Variants in OVOL2 observed in about 807,000 individuals in gnomAD.
The protein encoded by OVOL2 is ovo like zinc finger 2, also known as transcription factor Ovo-like 2.
OVOL2 carries 13 observed loss-of-function variants against 18.1 expected under a neutral mutation model. The observed-to-expected ratio is 0.72, with a 90% CI of 0.47 to 1.14. The LOEUF (loss-of-function observed/expected upper bound fraction) is 1.14, where lower values mean the gene tolerates loss of function less well. Among genes scored for constraint, OVOL2 ranks in the 50% most tolerant of loss-of-function variants. OVOL2 has a pLI of 0.00. For synonymous variants in OVOL2, 166 were observed against 162.7 expected (o/e 1.02, Z -0.16); for missense variants, 335 against 383.0 (o/e 0.87, Z 1.05).
chr20:18,029,019 T>G (rs1298144872), intron 3 of OVOL2, among the ~76,000 whole-genome samples: 1 of 142,954 alleles, frequency 7.0e-6, no homozygotes, highest in African/African-American at 2.5e-5. Context: ...TATATATATG[T>G]ACATTTTTAT....
Position 18,056,825 on chromosome 20 carries a change from G to A in OVOL2, c.153C>T (p.Gly51=). 1.3e-6 allele frequency: 2 copies of A among 1,490,464 alleles called. No homozygotes were observed. Among genetic ancestry groups the A allele is most frequent in the Admixed American group, 2.2e-5 (1 of 44,694 alleles). The allele number at this position is 1,490,464 out of a possible 1,614,324, so 92.3% of individuals were successfully genotyped here. A position where few individuals can be genotyped will look rare whatever the true frequency, so the allele number is the denominator to read the frequency against. Residue 51 remains glycine (G), a synonymous_variant, in exon 2 of 4, where the codon GGC becomes GGT. Coordinates refer to ENST00000278780, the MANE Select transcript of OVOL2 (RefSeq NM_021220.4). The surrounding 1 kb of genome is among the most constrained non-coding windows in gnomAD (Gnocchi z 4.2). Reference sequence around the variant, plus strand: ...TGCTGCCGCTGCCGCTGCTGCTGCCGCCGTCGCTGCGGCAGTCCTCGGGGG... The same window carrying A: ...TGCTGCCGCTGCCGCTGCTGCTGCCACCGTCGCTGCGGCAGTCCTCGGGGG... The part of the protein sequence containing the change: ...HDPPEDCRSD[G]GSSSGSGSSS...
chr20:18,056,939 A>G lies in OVOL2; in HGVS notation c.101-62T>C. ...CGGCGTCAACCCGCACGCCCGCGGC[A>G]GTTTGACCTGCGGGCGGTGCTGCCG... On this transcript the variant is annotated intron_variant, in intron 1 of 3. Transcript: ENST00000278780. This position sits in a 1 kb window ranked among gnomAD's most constrained non-coding sequence, Gnocchi z 4.2. 7.1e-7 allele frequency: 1 copy of G among 1,407,868 alleles called. No homozygotes were observed. The highest frequency in any genetic ancestry group is 9.2e-7 in the Non-Finnish European group (1 of 1,090,828). 87.2% of individuals were successfully genotyped at this position (1,407,868 alleles called of 1,614,324 possible).
Position 18,056,860 on chromosome 20 carries a change from G to A in OVOL2, c.118C>T (p.Leu40Phe). The change falls in exon 2 of 4, where the codon CTC becomes TTC. Residue 40 changes from leucine to phenylalanine, a missense_variant. By Grantham distance (22) the Leu-to-Phe change is conservative. Transcript: ENST00000278780. This position sits in a 1 kb window ranked among gnomAD's most constrained non-coding sequence, Gnocchi z 4.2. ...CGGCAGTCCTCGGGGGGGTCGTGGA[G>A]CAGGCGGCCTAGGCCCACTGTGGAG... ...TYIPVGLGRL[L>F]HDPPEDCRSD... 8 of 1,487,388 alleles carry A rather than the reference G, an allele frequency of 5.4e-6. No individual in the cohort carries two copies. The highest frequency in any genetic ancestry group is 6.2e-6 in the Non-Finnish European group (7 of 1,126,928). The allele number at this position is 1,487,388 out of a possible 1,614,324, so 92.1% of individuals were successfully genotyped here. A position where few individuals can be genotyped will look rare whatever the true frequency, so the allele number is the denominator to read the frequency against.
At chr20:18,037,150 A>AAAAAAAAAAAAAAAAG (rs751298916) in intron 3 of OVOL2, among the ~76,000 whole-genome samples, 36 of 147,194 alleles carry the variant, frequency 2.4e-4, no homozygotes, top group Non-Finnish European at 3.8e-4. Flanking sequence ...AAAAAAAAAA[A>AAAAAAAAAAAAAAAAG]AAAGAAAGAA....
chr20:18,033,610 G>A (rs1005680850), intron 3 of OVOL2, among the ~76,000 whole-genome samples: 1 of 152,220 alleles, frequency 6.6e-6, no homozygotes. Flanking sequence ...TTCCATAAAC[G>A]CGGGACTTAA....
chr20:18,052,815 C>T (rs1272512668), intron 2 of OVOL2, among the ~76,000 whole-genome samples: 1 of 152,206 alleles, frequency 6.6e-6, no homozygotes, highest in Non-Finnish European at 1.5e-5. Flanking sequence ...GTCCTACCAG[C>T]CAGAGAATCA....
At chr20:18,042,393 G>C (rs1261223986) in intron 2 of OVOL2, among the ~76,000 whole-genome samples, 1 of 152,144 alleles carries the variant, frequency 6.6e-6, no homozygotes, top group Non-Finnish European at 1.5e-5. Context: ...GAGGTTACAG[G>C]GGCAGATCCC....
At chr20:18,037,415 G>A (rs1368837399) in intron 3 of OVOL2, among the ~76,000 whole-genome samples, 5 of 152,366 alleles carry the variant, frequency 3.3e-5, no homozygotes, top group South Asian at 4.1e-4. Flanking sequence ...GATAAAGGCC[G>A]GAGGCCTGGC....
chr20:18,049,264 G>A (rs2122720590), intron 2 of OVOL2, among the ~76,000 whole-genome samples: 1 of 152,296 alleles, frequency 6.6e-6, no homozygotes, highest in East Asian at 1.9e-4. Context: ...GAACATCCAG[G>A]GAGTCAGGGC....
Position 18,024,493 on chromosome 20 carries a change from C to T in OVOL2, c.*143G>A, listed in dbSNP as rs1272106136. Reference sequence around the variant, plus strand: ...GCAACTGACAATCTTGGAATGGACCCTACTGCTGATGTTTCAAAAGGACAC... The same window carrying T: ...GCAACTGACAATCTTGGAATGGACCTTACTGCTGATGTTTCAAAAGGACAC... On this transcript the variant is annotated 3_prime_UTR_variant, in exon 4 of 4. Transcript: ENST00000278780. 13 of 1,427,344 alleles carry T rather than the reference C, an allele frequency of 9.1e-6. No individual in the cohort carries two copies. Among genetic ancestry groups the T allele is most frequent in the Non-Finnish European group, 1.2e-5 (13 of 1,087,192 alleles). 88.4% of individuals were successfully genotyped at this position (1,427,344 alleles called of 1,614,324 possible). A position where few individuals can be genotyped will look rare whatever the true frequency, so the allele number is the denominator to read the frequency against.
intron 3 of OVOL2, among the ~76,000 whole-genome samples, chr20:18,037,301 G>A (rs1179528620): frequency 3.3e-5 from 5 of 152,188 alleles, no homozygotes; most frequent in African/African-American, 1.2e-4. Flanking sequence ...CTGGTTCCCA[G>A]CTCCACCACT....
chr20:18,028,427 T>G (rs1236835062), intron 3 of OVOL2, among the ~76,000 whole-genome samples: 1 of 150,528 alleles, frequency 6.6e-6, no homozygotes, highest in Admixed American at 6.6e-5. Context: ...TCCACCTGCC[T>G]TGGCCTCTCA....
intron 2 of OVOL2, among the ~76,000 whole-genome samples, chr20:18,044,964 G>T (rs1017626704): frequency 6.6e-6 from 1 of 152,104 alleles, no homozygotes; most frequent in Admixed American, 6.6e-5. Context: ...TACCTTGAGG[G>T]CCCTACTGGA....
intron 2 of OVOL2, among the ~76,000 whole-genome samples, chr20:18,054,610 C>G (rs118092779): frequency 4.6e-5 from 7 of 151,864 alleles, no homozygotes; most frequent in African/African-American, 1.7e-4. Flanking sequence ...GCGATGGTGG[C>G]GTATGCCTGT....
In OVOL2 at chr20:18,056,806, CGCTGCCGCTGCT is replaced by C. The variant is rs1286490756; in HGVS notation, c.160_171del (p.Ser54_Ser57del). On this transcript the variant is annotated inframe_deletion, in exon 2 of 4. Transcript: ENST00000278780. The surrounding 1 kb of genome is among the most constrained non-coding windows in gnomAD (Gnocchi z 4.2). ...CCAGGCTCCCCCGCGCTGCTGCTGCCGCTGCCGCTGCTGCTGCCGCCGTCGCTGCGGCAGTCC... is the reference window on the plus strand; with the variant it reads ...CCAGGCTCCCCCGCGCTGCTGCTGCCGCTGCCGCCGTCGCTGCGGCAGTCC... 4.7e-6 allele frequency: 7 copies of C among 1,491,884 alleles called. No homozygotes were observed. Among genetic ancestry groups the C allele is most frequent in the Admixed American group, 2.2e-5 (1 of 44,804 alleles). The allele number at this position is 1,491,884 out of a possible 1,614,324, so 92.4% of individuals were successfully genotyped here.
chr20:18,057,862 A>T lies in OVOL2; in HGVS notation c.-228T>A. The T allele has an allele frequency of 7.5e-7, 1 of 1,341,422 alleles. No individual in the cohort carries two copies. The highest frequency in any genetic ancestry group is 9.5e-7 in the Non-Finnish European group (1 of 1,053,158). 83.1% of individuals were successfully genotyped at this position (1,341,422 alleles called of 1,614,324 possible). On this transcript the variant is annotated 5_prime_UTR_variant, in exon 1 of 4. Transcript: ENST00000278780. This position sits in a 1 kb window ranked among gnomAD's most constrained non-coding sequence, Gnocchi z 6.3. ...ACCTATGCCTTAAATCGCGAGTGAG[A>T]CCACGCCGGGGAAAAAGTTTCATAA... is the stretch of plus-strand genomic sequence containing the variant.
intron 3 of OVOL2, among the ~76,000 whole-genome samples, chr20:18,025,470 G>A (rs1020582851): frequency 6.6e-6 from 1 of 152,142 alleles, no homozygotes; most frequent in African/African-American, 2.4e-5. Context: ...TCGGGAGGCT[G>A]AGGAAGGAGA....
chr20:18,037,959 C>G lies in OVOL2; in HGVS notation c.511+3575G>C, dbSNP rs79191277. Among the ~76,000 whole-genome samples, 5 of 152,330 alleles carry G rather than the reference C, an allele frequency of 3.3e-5. No homozygotes were observed. The East Asian group carries it at 9.6e-4, about 29-fold the overall frequency. On this transcript the variant is annotated intron_variant, in intron 3 of 3. Coordinates refer to ENST00000278780, the MANE Select transcript of OVOL2 (RefSeq NM_021220.4). Reference sequence around the variant, plus strand: ...GGGCAACCCAAACTAAGACACTCCTCATTAGCAACGCTCTTCCTCCTTCTG... The same window carrying G: ...GGGCAACCCAAACTAAGACACTCCTGATTAGCAACGCTCTTCCTCCTTCTG...
intron 2 of OVOL2, among the ~76,000 whole-genome samples, chr20:18,055,964 G>A (rs1400940381): frequency 6.6e-6 from 1 of 152,240 alleles, no homozygotes; most frequent in Non-Finnish European, 1.5e-5. Context: ...CAGAATGTTC[G>A]AGGGGGCCCC....
Sources: allele counts gnomAD v4.1 joint callset (sites outside exome capture counted in the v4.1 genomes callset), GRCh38; gene constraint gnomAD v4.1.1; non-coding constraint Gnocchi (gnomAD v3.1); transcripts MANE v1.5; gene names NCBI Gene and HGNC (gene_info 2026-07-23, HGNC 2026-07-21).